Variants in KIF5C observed in about 807,000 individuals in gnomAD.
KIF5C encodes the protein kinesin family member 5C.
A neutral mutation model predicts 125.2 loss-of-function variants in KIF5C; 18 were observed. The ratio of observed to expected loss-of-function variants is 0.14; its 90% confidence interval spans 0.10 to 0.21. The LOEUF (loss-of-function observed/expected upper bound fraction) is 0.21, where lower values mean the gene tolerates loss of function less well. Ranked by LOEUF, KIF5C falls within the 10% of genes least tolerant of loss-of-function variation. The pLI, the probability that KIF5C is intolerant of heterozygous loss-of-function variation, is 1.00. For synonymous variants in KIF5C, 405 were observed against 434.0 expected (o/e 0.93, Z 0.83); for missense variants, 780 against 1,183.8 (o/e 0.66, Z 5.01).
chr2:148,932,677 A>G (rs1339012096), intron 3 of KIF5C, among the ~76,000 whole-genome samples: 1 of 152,144 alleles, frequency 6.6e-6, no homozygotes, highest in Admixed American at 6.5e-5. Context: ...AGATGGATGG[A>G]GACACCTTGT....
chr2:148,911,145 A>G (rs968561021), intron 1 of KIF5C, among the ~76,000 whole-genome samples: 1 of 152,216 alleles, frequency 6.6e-6, no homozygotes, highest in African/African-American at 2.4e-5. Flanking sequence ...TTCTGCCTAC[A>G]GCATGTGGCT....
intron 1 of KIF5C, chr2:148,886,005 C>A (rs1185238429): frequency 6.6e-6 from 1 of 152,220 alleles, no homozygotes; most frequent in Admixed American, 6.5e-5. Flanking sequence ...TTTCTCTGAA[C>A]AACCTGTCTG....
chr2:148,935,658 A>G (rs1177622603), intron 3 of KIF5C, among the ~76,000 whole-genome samples: 1 of 152,230 alleles, frequency 6.6e-6, no homozygotes. Flanking sequence ...AGGGATAGAA[A>G]TGTGTTTCAG....
intron 25 of KIF5C, among the ~76,000 whole-genome samples, chr2:149,017,042 G>T (rs1015763485): frequency 6.6e-6 from 1 of 152,150 alleles, no homozygotes; most frequent in Admixed American, 6.5e-5. Flanking sequence ...GTTGAAGAAG[G>T]CCAGGTGGCA....
chr2:149,006,458 TTA>T (rs1682010858), intron 22 of KIF5C, among the ~76,000 whole-genome samples: 2 of 152,052 alleles, frequency 1.3e-5, no homozygotes, highest in African/African-American at 4.8e-5. Context: ...TCTTCTTGGT[TTA>T]TGTGAAGGCT....
At chr2:148,949,050 C>G (rs1392498732) in intron 8 of KIF5C, among the ~76,000 whole-genome samples, 1 of 152,162 alleles carries the variant, frequency 6.6e-6, no homozygotes, top group Non-Finnish European at 1.5e-5. Flanking sequence ...CACTTCCTTT[C>G]TTGAGAGAGC....
At chr2:149,009,156 A>ATT (rs373977788) in intron 23 of KIF5C, among the ~76,000 whole-genome samples, 1 of 151,156 alleles carries the variant, frequency 6.6e-6, no homozygotes, top group Admixed American at 6.6e-5. Context: ...CTCCTGGCTA[A>ATT]TTTTTTTGTA....
At chr2:148,964,409 A>G (rs182991042) in intron 11 of KIF5C, among the ~76,000 whole-genome samples, 52 of 152,346 alleles carry the variant, frequency 3.4e-4, no homozygotes, top group Non-Finnish European at 5.3e-4. Flanking sequence ...TAGACCTCCA[A>G]TAAATGTATG....
At chr2:148,932,813 G>A (rs1682210306) in intron 3 of KIF5C, among the ~76,000 whole-genome samples, 1 of 152,312 alleles carries the variant, frequency 6.6e-6, no homozygotes, top group East Asian at 1.9e-4. Flanking sequence ...CTCATGTGCT[G>A]ACGGGCTGAT....
chr2:148,882,064 T>A (rs776980677), intron 1 of KIF5C, among the ~76,000 whole-genome samples: 12 of 152,164 alleles, frequency 7.9e-5, no homozygotes, highest in Non-Finnish European at 1.8e-4. Flanking sequence ...TTCCTCTTAG[T>A]AGGAATTGAG....
At chr2:148,910,758 A>G (rs566866140) in intron 1 of KIF5C, among the ~76,000 whole-genome samples, 1 of 152,232 alleles carries the variant, frequency 6.6e-6, no homozygotes, top group East Asian at 1.9e-4. Flanking sequence ...TTGGCAAAGG[A>G]TGTGGAGCAC....
At chr2:148,949,350 G>A (rs1310843663) in intron 8 of KIF5C, among the ~76,000 whole-genome samples, 4 of 152,092 alleles carry the variant, frequency 2.6e-5, no homozygotes, top group East Asian at 3.9e-4. Context: ...GGGAAGGAAC[G>A]GACTCTAGAT....
chr2:148,943,452 A>C (rs1164885015), intron 7 of KIF5C, among the ~76,000 whole-genome samples: 1 of 152,202 alleles, frequency 6.6e-6, no homozygotes, highest in African/African-American at 2.4e-5. Context: ...GTTCATATGA[A>C]CAGAAGCTGA....
chr2:148,997,492 A>C, intron 18 of KIF5C, 152 bp downstream of exon 18: 2 of 1,391,488 alleles, frequency 1.4e-6, no homozygotes, highest in African/African-American at 1.4e-5. Context: ...TCGATCTCAG[A>C]GTATAGCCTG....
intron 3 of KIF5C, among the ~76,000 whole-genome samples, chr2:148,933,512 G>C (rs1682221120): frequency 1.3e-5 from 2 of 148,152 alleles, no homozygotes; most frequent in South Asian, 2.1e-4. Flanking sequence ...TATACACACA[G>C]ACACACCACA....
intron 19 of KIF5C, among the ~76,000 whole-genome samples, chr2:148,999,657 A>G (rs6746558): frequency 2.6e-5 from 4 of 152,118 alleles, no homozygotes; most frequent in Non-Finnish European, 5.9e-5. Flanking sequence ...CACAGATTCG[A>G]CTGGAAGGGA....
In KIF5C at chr2:149,008,074, G is replaced by C. The variant is rs764319104; in HGVS notation, c.2550+7G>C. 10 of 1,608,592 alleles carry C rather than the reference G, an allele frequency of 6.2e-6. No homozygotes were observed. The South Asian group carries it at 1.1e-4, about 18-fold the overall frequency. On this transcript the variant is annotated splice_region_variant and intron_variant, in intron 23 of 25. Transcript: ENST00000435030. ...CACCAAAGTTCACAAGCAGGTAGGA[G>C]AGTTCTGCCCGCTCCCCTCTGATTC...
intron 1 of KIF5C, among the ~76,000 whole-genome samples, chr2:148,904,857 G>C (rs1013806696): frequency 2.6e-5 from 4 of 152,172 alleles, no homozygotes; most frequent in African/African-American, 9.7e-5. Flanking sequence ...CAGCAGACAT[G>C]GGCTTAGATA....
chr2:148,986,870 C>G (rs1681393675), intron 15 of KIF5C, among the ~76,000 whole-genome samples: 1 of 152,150 alleles, frequency 6.6e-6, no homozygotes, highest in African/African-American at 2.4e-5. Flanking sequence ...CATTTTGTTT[C>G]ATCAACAAAA....
Sources: gnomAD v4.1 joint callset for allele counts (sites outside exome capture counted in the v4.1 genomes callset) on GRCh38, gnomAD v4.1.1 for gene constraint, MANE v1.5 for transcripts, NCBI Gene and HGNC (gene_info 2026-07-23, HGNC 2026-07-21) for gene names.